The following LAMA5 variants were observed in gnomAD, a reference collection of about 807,000 sequenced individuals.
LAMA5 encodes the protein laminin subunit alpha 5.
In LAMA5, 260 loss-of-function variants were observed where a neutral mutation model predicts 433.4. The observed-to-expected ratio is 0.60, with a 90% CI of 0.54 to 0.66. LAMA5 has a LOEUF of 0.66. Ranked by LOEUF, LAMA5 falls within the 30% of genes least tolerant of loss-of-function variation. The pLI, the probability that LAMA5 is intolerant of heterozygous loss-of-function variation, is 0.00. For synonymous variants in LAMA5, 2,620 were observed against 2,226.6 expected, an observed-to-expected ratio of 1.18 and a Z score of -4.97; for missense variants, 5,378 against 5,258.5, an observed-to-expected ratio of 1.02 and a Z score of -0.70.
chr20:62,324,100 G>C lies in LAMA5; in HGVS notation c.5748C>G (p.Pro1916=), dbSNP rs1480228768. The change falls in exon 43 of 80, where the codon CCC becomes CCG. Residue 1916 remains proline, a synonymous_variant. Transcript: ENST00000252999. The surrounding 1 kb of genome is among the most constrained non-coding windows in gnomAD (Gnocchi z 4.4). ...PSAPCVSCPC[P]LSVPSNNFAE... ...CTTACTTGTTGGAAGGCACTGAGAG[G>C]GGGCAGGGGCAGCTGACACAGGGGG... 2.0e-6 allele frequency: 3 copies of C among 1,518,284 alleles called. No individual in the cohort carries two copies. The African/African-American group carries it at 4.2e-5, about 21-fold the overall frequency. 94.1% of individuals were successfully genotyped at this position (1,518,284 alleles called of 1,614,324 possible).
rs754688661 is a variant in LAMA5, at chr20:62,325,316, C to G, written c.5529G>C (p.Gln1843His). The change falls in exon 41 of 80, where the codon CAG (glutamine) becomes CAC (histidine). Residue 1843 changes from glutamine (Q) to histidine (H), a missense_variant and splice_region_variant. Transcript: ENST00000252999. ...CAGTCTGGTGCTGTCCTAACCTCACCTGGCATGAGTCCCCCCGGTAGCTGG... is the reference window on the plus strand; with the variant it reads ...CAGTCTGGTGCTGTCCTAACCTCACGTGGCATGAGTCCCCCCGGTAGCTGG... ...CPASYRGDSC[Q>H]ECAPGFYRDV... 2.5e-6 allele frequency: 4 copies of G among 1,576,270 alleles called. No homozygotes were observed.
At chr20:62,334,975 G>A (rs376881112) in intron 20 of LAMA5, 46 bp downstream of exon 20, 13 of 1,562,950 alleles carry the variant, frequency 8.3e-6, no homozygotes, top group South Asian at 5.6e-5. Context: ...AGCATAAACC[G>A]AGGGGAGGCA....
Position 62,338,594 on chromosome 20 carries a change from C to G in LAMA5, c.1492G>C (p.Ala498Pro). The G allele has an allele frequency of 6.2e-7, 1 of 1,610,048 alleles. No individual in the cohort carries two copies. Among genetic ancestry groups the G allele is most frequent in the South Asian group, 1.1e-5 (1 of 90,430 alleles). Reference sequence around the variant, plus strand: ...CAGGCGTTGCCCTGGGTCCCTGCCGCGCTGCAGTCACAATCTGGAGGGTGG... The same window carrying G: ...CAGGCGTTGCCCTGGGTCCCTGCCGGGCTGCAGTCACAATCTGGAGGGTGG... ...AGQIVNCDCS[A>P]AGTQGNACRK... Residue 498 changes from alanine (A) to proline (P), a missense_variant, in exon 12 of 80, where the codon GCG (alanine) becomes CCG (proline). Coordinates refer to ENST00000252999, the MANE Select transcript of LAMA5 (RefSeq NM_005560.6).
Position 62,329,145 on chromosome 20 carries a change from G to A in LAMA5, c.4228C>T (p.His1410Tyr). ...TGCCAGAGCCCTGCCCACCTGATGT[G>A]GTAGCCCTGGGCTGCGCAGTGGCTG... ...FISHCAAQGY[H>Y]ISPSSSSLFC... The change falls in exon 33 of 80, where the codon CAC becomes TAC. Residue 1410 changes from histidine (H) to tyrosine (Y), a missense_variant. By Grantham distance (83) the His-to-Tyr change is moderately conservative. Coordinates refer to ENST00000252999, the MANE Select transcript of LAMA5 (RefSeq NM_005560.6). 4 of 1,612,546 alleles carry A rather than the reference G, an allele frequency of 2.5e-6. No homozygotes were observed. The highest frequency in any genetic ancestry group is 2.2e-5 in the East Asian group (1 of 44,878).
Position 62,310,491 on chromosome 20 carries a change from C to G in LAMA5, c.10528G>C (p.Val3510Leu), listed in dbSNP as rs1248957780. 6.4e-7 allele frequency: 1 copy of G among 1,571,050 alleles called. No homozygotes were observed. Among genetic ancestry groups the G allele is most frequent in the South Asian group, 1.2e-5 (1 of 83,334 alleles). Residue 3510 changes from valine to leucine, a missense_variant, in exon 76 of 80, where the codon GTC becomes CTC. Val to Leu is a conservative substitution (Grantham distance 32). Transcript: ENST00000252999. ...PLGAPTRMAG[V>L]TPCILGPLEA... is the part of the protein sequence containing the mutation. ...AGGGGGCCCAAGATGCAGGGTGTGA[C>G]CCCTGCCATCCGTGTGGGGGCCCCC... is the stretch of plus-strand genomic sequence containing the variant.
chr20:62,333,681 G>A lies in LAMA5; in HGVS notation c.2904C>T (p.Ala968=). 1 of 1,595,184 alleles carries A rather than the reference G, an allele frequency of 6.3e-7. No homozygotes were observed. Among genetic ancestry groups the A allele is most frequent in the East Asian group, 2.3e-5 (1 of 44,292 alleles). ...AGGCAGGCTCCGTGCTGGGTGGGAA[G>A]GCCACGGGCTGACTCTGTGCTGTGC... is the stretch of plus-strand genomic sequence containing the variant. ...ANCTAQSQPV[A]FPPSTEPAFI... Residue 968 remains alanine, a synonymous_variant, in exon 24 of 80, where the codon GCC becomes GCT. Coordinates refer to ENST00000252999, the MANE Select transcript of LAMA5 (RefSeq NM_005560.6).
intron 2 of LAMA5, chr20:62,355,560 T>A (rs1299865879): frequency 6.6e-6 from 1 of 152,182 alleles, no homozygotes; most frequent in Non-Finnish European, 1.5e-5. Context: ...TTGCGGGGAC[T>A]GTGGGAGCCA....
rs1014707415 is a variant in LAMA5 at position 62,330,683 on chromosome 20, G to A, written c.3852+60C>T. 1.5e-5 allele frequency: 24 copies of A among 1,559,538 alleles called. No homozygotes were observed. The Admixed American group carries it at 2.1e-4, about 14-fold the overall frequency. ...TGCTGCCCCCTGGACAACCTGCCCT[G>A]GGTTGGGACCCGGAGTCCTGCCCTG... On this transcript the variant is annotated intron_variant, in intron 30 of 79. Transcript: ENST00000252999.
chr20:62,363,110 G>A (rs1465175351), intron 1 of LAMA5, among the ~76,000 whole-genome samples: 2 of 152,268 alleles, frequency 1.3e-5, no homozygotes, highest in African/African-American at 2.4e-5. Flanking sequence ...CAGAAGGACC[G>A]TCAGGGCCGG....
chr20:62,356,621 GGCCTCTGCCCGGTGACCACT>G (rs1473098502), intron 2 of LAMA5: 1 of 151,602 alleles, frequency 6.6e-6, no homozygotes, highest in East Asian at 1.9e-4. Flanking sequence ...TCCCAGAGGA[GGCCTCTGCCCGGTGACCACT>G]GCCTCACAGG....
intron 11 of LAMA5, among the ~76,000 whole-genome samples, chr20:62,342,906 A>C (rs1244490765): frequency 6.6e-6 from 1 of 152,250 alleles, no homozygotes; most frequent in African/African-American, 2.4e-5. Flanking sequence ...CTGTGTCCCC[A>C]TTAGGAAAGA....
intron 53 of LAMA5, 82 bp downstream of exon 53, chr20:62,318,369 GGGA>G (rs1987278707): frequency 6.5e-6 from 6 of 929,194 alleles, no homozygotes; most frequent in Non-Finnish European, 8.2e-6. Context: ...ACGAGGGGAG[GGGA>G]GGGGAGGAGC....
At chr20:62,358,028 G>A (rs1985492978) in intron 2 of LAMA5, among the ~76,000 whole-genome samples, 1 of 152,244 alleles carries the variant, frequency 6.6e-6, no homozygotes, top group Non-Finnish European at 1.5e-5. Flanking sequence ...TGTGTTGTCA[G>A]AGGCCAATGT....
At chr20:62,330,029 C>T in intron 31 of LAMA5, 113 bp from the exon 32 acceptor site, 1 of 1,428,354 alleles carries the variant, frequency 7.0e-7, no homozygotes, top group East Asian at 2.5e-5. Context: ...TGGCCAACGG[C>T]CACAGGCACG....
chr20:62,365,072 C>T (rs1292160182), intron 1 of LAMA5, among the ~76,000 whole-genome samples: 1 of 152,282 alleles, frequency 6.6e-6, no homozygotes, highest in Non-Finnish European at 1.5e-5. Flanking sequence ...ACCCGTCCAG[C>T]TCACGTCTAC....
chr20:62,341,826 C>CAAAAAAAAAAAAA (rs11466846), intron 11 of LAMA5, among the ~76,000 whole-genome samples: 1 of 128,154 alleles, frequency 7.8e-6, no homozygotes, highest in African/African-American at 3.8e-5. Flanking sequence ...TCTGATCAAC[C>CAAAAAAAAAAAAA]AAAAAAAAAA....
chr20:62,336,605 G>A, intron 17 of LAMA5, 129 bp downstream of exon 17: 2 of 1,229,842 alleles, frequency 1.6e-6, no homozygotes, highest in Non-Finnish European at 2.4e-6. Flanking sequence ...AGCCTAAGGA[G>A]CAGACAGGCC....
intron 57 of LAMA5, 104 bp downstream of exon 57, chr20:62,316,567 G>A (rs539629260): frequency 5.7e-5 from 48 of 836,046 alleles, no homozygotes; most frequent in East Asian, 1.4e-4. Context: ...ACCATGCTGC[G>A]GTGACCCACA....
chr20:62,349,138 G>A (rs1983801339), intron 6 of LAMA5, among the ~76,000 whole-genome samples: 1 of 152,000 alleles, frequency 6.6e-6, no homozygotes, highest in Admixed American at 6.6e-5. Context: ...AGGCGTGGTG[G>A]TGGGTGCCTG....
Sources: allele counts gnomAD v4.1 joint callset (sites outside exome capture counted in the v4.1 genomes callset), GRCh38; gene constraint gnomAD v4.1.1; non-coding constraint Gnocchi (gnomAD v3.1); transcripts MANE v1.5; gene names NCBI Gene and HGNC (gene_info 2026-07-23, HGNC 2026-07-21).